Variants in ZIM2 observed in about 807,000 individuals in gnomAD.
The protein encoded by ZIM2 is zinc finger imprinted 2.
In ZIM2, 14 loss-of-function variants were observed where a neutral mutation model predicts 38.6. The ratio of observed to expected loss-of-function variants is 0.36; its 90% confidence interval spans 0.24 to 0.57. ZIM2 has a LOEUF of 0.57. Ranked by LOEUF, ZIM2 falls within the 20% of genes least tolerant of loss-of-function variation. The pLI, the probability that ZIM2 is intolerant of heterozygous loss-of-function variation, is 0.81. For synonymous variants in ZIM2, 247 were observed against 245.8 expected (o/e 1.00, Z -0.04); for missense variants, 680 against 695.1 (o/e 0.98, Z 0.24).
At position 56,824,299 on chromosome 19, in the gene ZIM2, A is replaced by C. The variant is rs747855807; in HGVS notation, c.-22T>G. The C allele has an allele frequency of 1.4e-5, 22 of 1,613,912 alleles. No individual in the cohort carries two copies. The Admixed American group carries it at 1.7e-4, about 12-fold the overall frequency. On this transcript the variant is annotated 5_prime_UTR_variant, in exon 4 of 13. Coordinates refer to ENST00000629319, the MANE Select transcript of ZIM2 (RefSeq NM_001387356.1). Reference sequence around the variant, plus strand: ...ACATCTCCTTGTAATTCTCCAGCAGAGTGACGAGCTTCTCACAGTTCTCCG... The same window carrying C: ...ACATCTCCTTGTAATTCTCCAGCAGCGTGACGAGCTTCTCACAGTTCTCCG...
chr19:56,812,457 G>A (rs1190513853), intron 9 of ZIM2: 10 of 984,550 alleles, frequency 1.0e-5, no homozygotes, highest in African/African-American at 3.5e-5. Context: ...TGGAGTTAGA[G>A]GGTCAGATAA....
chr19:56,782,337 T>G (rs557109532), intron 10 of ZIM2: 1 of 577,232 alleles, frequency 1.7e-6, no homozygotes, highest in Admixed American at 3.0e-5. Context: ...GGAAATATCC[T>G]TTTAAGCCAC....
In ZIM2 at chr19:56,782,058, C is replaced by A. The variant is rs1169703628; in HGVS notation, c.634G>T (p.Val212Leu). 2.5e-6 allele frequency: 4 copies of A among 1,613,932 alleles called. No homozygotes were observed. Among genetic ancestry groups the A allele is most frequent in the Non-Finnish European group, 3.4e-6 (4 of 1,179,914 alleles). The change falls in exon 11 of 13, where the codon GTG (valine) becomes TTG (leucine). Residue 212 changes from valine (V) to leucine (L), a missense_variant. Coordinates refer to ENST00000629319, the MANE Select transcript of ZIM2 (RefSeq NM_001387356.1). ...TCCTCTGGGCTGAAGTCCACAAGCA[C>A]ATCCTCGAAGGTCACCAACTCCTCA... ...VFEELVTFED[V>L]LVDFSPEELS... is the part of the protein sequence containing the mutation.
Position 56,775,250 on chromosome 19 carries a change from A to G in ZIM2, c.1115T>C (p.Val372Ala). 6.2e-7 allele frequency: 1 copy of G among 1,614,106 alleles called. No homozygotes were observed. The highest frequency in any genetic ancestry group is 8.5e-7 in the Non-Finnish European group (1 of 1,180,030). Residue 372 changes from valine (V) to alanine (A), a missense_variant, in exon 13 of 13, where the codon GTA becomes GCA. Coordinates refer to ENST00000629319, the MANE Select transcript of ZIM2 (RefSeq NM_001387356.1). ...EFCKRTFSTQ[V>A]ALRRHERIHT... ...GATCCGTTCGTGTCTCCTAAGGGCTACTTGCGTACTAAAGGTTCGTTTGCA... is the reference window on the plus strand; with the variant it reads ...GATCCGTTCGTGTCTCCTAAGGGCTGCTTGCGTACTAAAGGTTCGTTTGCA...
At chr19:56,811,324 G>T (rs1600848668) in intron 9 of ZIM2, 6 of 900,746 alleles carry the variant, frequency 6.7e-6, no homozygotes, top group Non-Finnish European at 8.0e-6. Context: ...CTGTTTAAAT[G>T]AACTGTTAAA....
intron 3 of ZIM2, chr19:56,824,714 C>A: frequency 6.7e-7 from 1 of 1,489,502 alleles, no homozygotes. Flanking sequence ...AAAGACGCGG[C>A]AGCCTGTGAC....
Position 56,774,981 on chromosome 19 carries a change from G to T in ZIM2, c.1384C>A (p.Leu462Ile). The change falls in exon 13 of 13, where the codon CTC becomes ATC. Residue 462 changes from leucine to isoleucine, a missense_variant. Transcript: ENST00000629319. The stretch of plus-strand genomic sequence containing the variant: ...ACTCTTGCTGCCTCATGGGCTTTGA[G>T]ATGTTGAAGAAGATGCACATTCTGG... ...FLQNVHLLQH[L>I]KAHEAARVLP... is the part of the protein sequence containing the mutation. 6.2e-7 allele frequency: 1 copy of T among 1,614,182 alleles called. No individual in the cohort carries two copies. The highest frequency in any genetic ancestry group is 8.5e-7 in the Non-Finnish European group (1 of 1,180,036).
chr19:56,814,693 T>C lies in ZIM2; in HGVS notation c.490+3053A>G. The stretch of plus-strand genomic sequence containing the variant: ...CATCTGGCTCTGCTCCAGTAAATCA[T>C]CTTCCCTATGAAGTCTCATATGCTC... On this transcript the variant is annotated intron_variant, in intron 9 of 12. Coordinates refer to ENST00000629319, the MANE Select transcript of ZIM2 (RefSeq NM_001387356.1). The surrounding 1 kb of genome is among the most constrained non-coding windows in gnomAD (Gnocchi z 5.8). 1 of 1,614,072 alleles carries C rather than the reference T, an allele frequency of 6.2e-7. No individual in the cohort carries two copies. The highest frequency in any genetic ancestry group is 8.5e-7 in the Non-Finnish European group (1 of 1,179,978).
intron 1 of ZIM2, among the ~76,000 whole-genome samples, chr19:56,839,368 C>T (rs572790462): frequency 2.6e-5 from 4 of 150,988 alleles, no homozygotes; most frequent in Non-Finnish European, 5.9e-5. Flanking sequence ...CCAACCAGGG[C>T]AGCACCTGCA....
chr19:56,789,969 A>C lies in ZIM2; in HGVS notation c.491-18T>G. ...AAGGAAACCTAGAAGGGAGAGAGGA[A>C]TACCATGGAATTGAGTCCTGTCTGG... On this transcript the variant is annotated intron_variant, in intron 9 of 12. Coordinates refer to ENST00000629319, the MANE Select transcript of ZIM2 (RefSeq NM_001387356.1). The C allele has an allele frequency of 6.6e-7, 1 of 1,520,258 alleles. No individual in the cohort carries two copies. The highest frequency in any genetic ancestry group is 8.9e-7 in the Non-Finnish European group (1 of 1,118,600). The allele number at this position is 1,520,258 out of a possible 1,614,324, so 94.2% of individuals were successfully genotyped here. A position where few individuals can be genotyped will look rare whatever the true frequency, so the allele number is the denominator to read the frequency against.
chr19:56,840,088 G>A (rs989812967), intron 1 of ZIM2, among the ~76,000 whole-genome samples: 3 of 152,216 alleles, frequency 2.0e-5, no homozygotes, highest in Admixed American at 2.0e-4. Context: ...CACCCCGCAG[G>A]AAGGGGCATT....
At chr19:56,813,878 C>T (rs762589894) in intron 9 of ZIM2, 30 of 1,614,088 alleles carry the variant, frequency 1.9e-5, no homozygotes, top group Non-Finnish European at 2.5e-5. Flanking sequence ...TTCAGGTGTT[C>T]ACTGAATGCT....
At chr19:56,776,114 A>AAAAAAAAAAG (rs2045991171) in intron 12 of ZIM2, among the ~76,000 whole-genome samples, 1 of 148,108 alleles carries the variant, frequency 6.8e-6, no homozygotes. Flanking sequence ...AAAAAAAAAA[A>AAAAAAAAAAG]AAAAAAAAGG....
intron 9 of ZIM2, chr19:56,813,377 G>T: frequency 8.5e-7 from 1 of 1,175,196 alleles, no homozygotes. Flanking sequence ...CAGTTGATTT[G>T]GGCAAACTCT....
At chr19:56,818,783 G>T in intron 7 of ZIM2, 81 bp from the exon 8 acceptor site, 2 of 1,489,584 alleles carry the variant, frequency 1.3e-6, no homozygotes, top group Non-Finnish European at 1.9e-6. Flanking sequence ...CAACATGGGA[G>T]TTACATATAT....
intron 3 of ZIM2, among the ~76,000 whole-genome samples, chr19:56,825,349 A>G (rs1043540490): frequency 3.3e-5 from 5 of 152,252 alleles, no homozygotes; most frequent in African/African-American, 1.2e-4. Context: ...GTGAGAAGTG[A>G]CCATTGAGCC....
chr19:56,823,835 AC>A (rs2060748335), intron 4 of ZIM2, among the ~76,000 whole-genome samples, 156 bp from the exon 5 acceptor site: 1 of 151,844 alleles, frequency 6.6e-6, no homozygotes, highest in African/African-American at 2.4e-5. Context: ...GCGGCTTCCA[AC>A]CACTCCTGGC....
At chr19:56,806,717 TAA>T (rs2047774059) in intron 9 of ZIM2, among the ~76,000 whole-genome samples, 1 of 152,132 alleles carries the variant, frequency 6.6e-6, no homozygotes, top group African/African-American at 2.4e-5. Context: ...CCAACAGTAC[TAA>T]GAGGTGGGGC....
intron 3 of ZIM2, chr19:56,824,828 G>A: frequency 1.6e-6 from 1 of 620,228 alleles, no homozygotes; most frequent in Non-Finnish European, 2.8e-6. Context: ...CATCGACAAT[G>A]CTTTTGGGAT....
Sources: allele counts gnomAD v4.1 joint callset (sites outside exome capture counted in the v4.1 genomes callset), GRCh38; gene constraint gnomAD v4.1.1; non-coding constraint Gnocchi (gnomAD v3.1); transcripts MANE v1.5; gene names NCBI Gene and HGNC (gene_info 2026-07-23, HGNC 2026-07-21).